Variants in SPPL3 observed in about 807,000 individuals in gnomAD.
SPPL3 encodes the protein signal peptide peptidase like 3, also known as signal peptide peptidase-like 3.
SPPL3 carries 5 observed loss-of-function variants against 42.4 expected under a neutral mutation model. The ratio of observed to expected loss-of-function variants is 0.12; its 90% CI spans 0.06 to 0.25. SPPL3 has a LOEUF of 0.25. Among genes scored for constraint, SPPL3 ranks in the 10% least tolerant of loss-of-function variants. The pLI, the probability that SPPL3 is intolerant of heterozygous loss-of-function variation, is 1.00. For missense variants in SPPL3, 235 were observed against 489.0 expected (o/e 0.48, Z 4.90); for synonymous variants, 195 against 181.8 (o/e 1.07, Z -0.58).
intron 1 of SPPL3, among the ~76,000 whole-genome samples, chr12:120,878,839 C>T (rs564711739): frequency 3.9e-5 from 6 of 152,144 alleles, no homozygotes; most frequent in South Asian, 2.1e-4. Flanking sequence ...TAAGGCCGGG[C>T]GCAGTGGCTC....
At chr12:120,766,410 G>A in intron 9 of SPPL3, 38 bp from the exon 10 acceptor site, 1 of 1,498,706 alleles carries the variant, frequency 6.7e-7, no homozygotes, top group Non-Finnish European at 9.1e-7. Flanking sequence ...ACACGAGAGG[G>A]AACCCGTGTC....
rs139441042 is a variant in SPPL3, at chr12:120,833,667, C to CAA, written c.24-22783_24-22782dup. On this transcript the variant is annotated intron_variant, in intron 1 of 10. Coordinates refer to ENST00000353487, the MANE Select transcript of SPPL3 (RefSeq NM_139015.5). ...GCAATATAGTGAGACTCCATCTCTC[C>CAA]AAAAAAAAAAAAAGAAAAAAAAAAA... Among the ~76,000 whole-genome samples, 177 of 95,462 alleles carry CAA rather than the reference C, an allele frequency of 1.9e-3. 4 individuals are homozygous for CAA. Among genetic ancestry groups the CAA allele is most frequent in the Non-Finnish European group, 2.6e-3 (148 of 56,964 alleles). 62.6% of individuals were successfully genotyped at this position (95,462 alleles called of 152,430 possible).
Position 120,894,945 on chromosome 12 carries a change from T to TCAAACAAA in SPPL3, c.23+8892_23+8899dup, listed in dbSNP as rs61465383. Among the ~76,000 whole-genome samples, 1,068 of 150,524 alleles carry TCAAACAAA rather than the reference T, an allele frequency of 7.1e-3. 5 individuals carry two copies. Among genetic ancestry groups the TCAAACAAA allele is most frequent in the Middle Eastern group, 0.014 (4 of 288 alleles). ...CCGGGCAACAGAGTGAGAGTCCGTC[T>TCAAACAAA]CAAACAAACAAACAAACAAACAAAC... On this transcript the variant is annotated intron_variant, in intron 1 of 10. Transcript: ENST00000353487.
intron 4 of SPPL3, chr12:120,784,191 C>G (rs1869636775): frequency 3.8e-6 from 1 of 264,482 alleles, no homozygotes; most frequent in Non-Finnish European, 7.2e-6. Context: ...AGCGCCACAG[C>G]CAAAGCACAG....
chr12:120,767,698 G>T, intron 8 of SPPL3, 105 bp from the exon 9 acceptor site: 1 of 1,123,014 alleles, frequency 8.9e-7, no homozygotes, highest in Non-Finnish European at 1.3e-6. Flanking sequence ...GAGCTTATCT[G>T]CATGGCAGAT....
intron 2 of SPPL3, among the ~76,000 whole-genome samples, chr12:120,807,403 C>T (rs891212425): frequency 6.6e-6 from 1 of 152,092 alleles, no homozygotes; most frequent in Non-Finnish European, 1.5e-5. Flanking sequence ...AGGCTGGGCT[C>T]GGTGGCTCAT....
At chr12:120,865,497 G>A (rs1872730872) in intron 1 of SPPL3, among the ~76,000 whole-genome samples, 1 of 152,186 alleles carries the variant, frequency 6.6e-6, no homozygotes, top group Non-Finnish European at 1.5e-5. Context: ...TATGAAAGCT[G>A]TGAGGATTCA....
chr12:120,777,753 T>G (rs957612064), intron 6 of SPPL3, among the ~76,000 whole-genome samples: 1 of 152,222 alleles, frequency 6.6e-6, no homozygotes, highest in African/African-American at 2.4e-5. Context: ...CCATTGCACT[T>G]CAGACTGCTT....
At chr12:120,879,051 T>C (rs1291707895) in intron 1 of SPPL3, among the ~76,000 whole-genome samples, 1 of 139,704 alleles carries the variant, frequency 7.2e-6, no homozygotes, top group Non-Finnish European at 1.5e-5. Context: ...AGGCGGAGGT[T>C]GTGGTGAGCC....
At chr12:120,848,723 G>C (rs889009842) in intron 1 of SPPL3, among the ~76,000 whole-genome samples, 9 of 151,956 alleles carry the variant, frequency 5.9e-5, no homozygotes, top group African/African-American at 1.7e-4. Context: ...AATCCAAAAG[G>C]TTACAAAAGG....
In SPPL3 at chr12:120,876,015, G is replaced by T. The variant is rs1482077867; in HGVS notation, c.23+27830C>A. ...TGATTAGTGATTGGCAAAACAAACAGACCCCCCCCACCCAAATCACCAAGG... is the reference window on the plus strand; with the variant it reads ...TGATTAGTGATTGGCAAAACAAACATACCCCCCCCACCCAAATCACCAAGG... On this transcript the variant is annotated intron_variant, in intron 1 of 10. Transcript: ENST00000353487. 6.8e-5 allele frequency among the ~76,000 whole-genome samples: 5 copies of T among 73,694 alleles called. No homozygotes were observed. In the Admixed American group the frequency reaches 8.6e-4, roughly 13 times the overall value. The allele number at this position is 73,694 out of a possible 152,430, so 48.3% of individuals were successfully genotyped here.
At chr12:120,884,335 C>T (rs1271125256) in intron 1 of SPPL3, among the ~76,000 whole-genome samples, 1 of 152,074 alleles carries the variant, frequency 6.6e-6, no homozygotes, top group Non-Finnish European at 1.5e-5. Context: ...ATATATTCTT[C>T]TGTAGACATT....
At chr12:120,890,513 T>C (rs1151866) in intron 1 of SPPL3, among the ~76,000 whole-genome samples, 150,607 of 150,656 alleles carry the variant, frequency 1, 75,279 homozygotes, top group Middle Eastern at 1. Context: ...CGCTTGAATC[T>C]GGAAGGCGGA....
rs78561436 is a variant in SPPL3, at chr12:120,837,906, C to T, written c.24-27020G>A. On this transcript the variant is annotated intron_variant, in intron 1 of 10. Coordinates refer to ENST00000353487, the MANE Select transcript of SPPL3 (RefSeq NM_139015.5). ...TCTACTATCCAGGTGTGTTGGTGGG[C>T]GACTGTAATCCCAGCTACTGGGAGG... is the stretch of plus-strand genomic sequence containing the variant. Among the ~76,000 whole-genome samples the T allele has an allele frequency of 3.4e-3, 519 of 152,058 alleles. 3 individuals are homozygous for T. The highest frequency in any genetic ancestry group is 0.012 in the African/African-American group (500 of 41,476).
chr12:120,901,969 A>C, intron 1 of SPPL3: 1 of 983,360 alleles, frequency 1.0e-6, no homozygotes, highest in Non-Finnish European at 1.2e-6. Context: ...CAGTAAAAAC[A>C]GCAAAGCAGC....
chr12:120,811,533 C>A (rs1378056932), intron 1 of SPPL3: 1 of 152,222 alleles, frequency 6.6e-6, no homozygotes, highest in Non-Finnish European at 1.5e-5. Flanking sequence ...CCGAACTACC[C>A]TATTTCTCCT....
At chr12:120,902,351 A>T (rs1277965010) in intron 1 of SPPL3, among the ~76,000 whole-genome samples, 3 of 152,234 alleles carry the variant, frequency 2.0e-5, no homozygotes, top group Non-Finnish European at 4.4e-5. Flanking sequence ...TTACTGACTT[A>T]TAACCTCTAA....
chr12:120,855,996 CT>C (rs1470371946), intron 1 of SPPL3, among the ~76,000 whole-genome samples: 1 of 152,194 alleles, frequency 6.6e-6, no homozygotes, highest in Non-Finnish European at 1.5e-5. Context: ...TTCAACAGAA[CT>C]CTGTGATCAT....
At chr12:120,815,255 T>C (rs1211880979) in intron 1 of SPPL3, among the ~76,000 whole-genome samples, 4 of 152,256 alleles carry the variant, frequency 2.6e-5, no homozygotes, top group Non-Finnish European at 4.4e-5. Context: ...ATGAACTCAA[T>C]GCTCCTACTT....
Sources: allele counts gnomAD v4.1 joint callset (sites outside exome capture counted in the v4.1 genomes callset), GRCh38; gene constraint gnomAD v4.1.1; transcripts MANE v1.5; gene names NCBI Gene and HGNC (gene_info 2026-07-23, HGNC 2026-07-21).